SPINK5: variants seen among roughly 807,000 people sequenced by gnomAD.
SPINK5 encodes serine protease inhibitor Kazal-type 5.
Under a neutral mutation model 151.8 loss-of-function variants are expected in SPINK5, and 125 were observed. The observed-to-expected ratio is 0.82, with a 90% confidence interval of 0.71 to 0.96. SPINK5 has a LOEUF of 0.96. Ranked by LOEUF, SPINK5 falls within the 40% of genes least tolerant of loss-of-function variation. SPINK5 has a pLI of 0.00. For missense variants in SPINK5, 1,194 were observed against 1,291.9 expected (o/e 0.92, Z 1.16); for synonymous variants, 374 against 395.3 (o/e 0.95, Z 0.64).
intron 16 of SPINK5, among the ~76,000 whole-genome samples, chr5:148,106,675 CT>C (rs1753790039): frequency 6.6e-6 from 1 of 151,942 alleles, no homozygotes; most frequent in African/African-American, 2.4e-5. Flanking sequence ...TGTTTTTTCT[CT>C]TCTTTCTCAG....
intron 30 of SPINK5, among the ~76,000 whole-genome samples, chr5:148,127,668 AT>A (rs1284340539): frequency 1.3e-5 from 2 of 152,038 alleles, no homozygotes; most frequent in Admixed American, 1.3e-4. Flanking sequence ...TGTGGGCAAC[AT>A]GGTGAAACTC....
chr5:148,094,517 AGGGTGGGAGT>A (rs763602925), intron 9 of SPINK5, 36 bp downstream of exon 9: 3 of 1,611,340 alleles, frequency 1.9e-6, no homozygotes, highest in Non-Finnish European at 2.5e-6. Flanking sequence ...AGTGATTCAA[AGGGTGGGAGT>A]GGAGATTGAT....
chr5:148,076,258 CAT>C (rs1172865082), intron 4 of SPINK5, among the ~76,000 whole-genome samples: 1 of 151,528 alleles, frequency 6.6e-6, no homozygotes, highest in Non-Finnish European at 1.5e-5. Flanking sequence ...ACTACAAAAA[CAT>C]AGGGGAAAAA....
intron 9 of SPINK5, among the ~76,000 whole-genome samples, chr5:148,094,932 G>T (rs1427756714): frequency 6.6e-6 from 1 of 151,736 alleles, no homozygotes; most frequent in African/African-American, 2.4e-5. Context: ...TATGACCTTG[G>T]GAGAAGGGCA....
chr5:148,114,278 T>TTTTTTTTTTTA, intron 20 of SPINK5, 84 bp from the exon 21 acceptor site: 1 of 1,425,150 alleles, frequency 7.0e-7, no homozygotes. Flanking sequence ...CTCTTTTTTT[T>TTTTTTTTTTTA]TTTTCTATAA....
intron 20 of SPINK5, 85 bp downstream of exon 20, chr5:148,113,019 C>G (rs1432903368): frequency 3.2e-6 from 5 of 1,574,396 alleles, no homozygotes; most frequent in Middle Eastern, 1.7e-4. Context: ...TTACTGAAAC[C>G]CCAGTTGTGA....
At chr5:148,077,303 G>A (rs555800050) in intron 4 of SPINK5, among the ~76,000 whole-genome samples, 7 of 150,854 alleles carry the variant, frequency 4.6e-5, no homozygotes, top group African/African-American at 1.2e-4. Context: ...AATGAAGGCC[G>A]GAAGGCAGTA....
chr5:148,136,257 CTA>C (rs1469888846), intron 32 of SPINK5, among the ~76,000 whole-genome samples: 3 of 152,032 alleles, frequency 2.0e-5, no homozygotes, highest in African/African-American at 4.8e-5. Flanking sequence ...AGATAAATGA[CTA>C]TTCTTATCTA....
At chr5:148,075,970 T>C (rs1177808927) in intron 4 of SPINK5, among the ~76,000 whole-genome samples, 1 of 151,818 alleles carries the variant, frequency 6.6e-6, no homozygotes, top group Admixed American at 6.6e-5. Flanking sequence ...GCAGTCATAA[T>C]TGAAGCAAGT....
At chr5:148,097,597 A>G (rs1399108992) in intron 10 of SPINK5, among the ~76,000 whole-genome samples, 2 of 151,960 alleles carry the variant, frequency 1.3e-5, no homozygotes, top group Admixed American at 6.6e-5. Context: ...TTAGCTTTTT[A>G]TATTGCAATT....
In SPINK5 at chr5:148,137,217, C is replaced by T. The variant is rs899101591; in HGVS notation, c.*226C>T. The T allele has an allele frequency of 5.0e-6, 3 of 600,988 alleles. No individual in the cohort carries two copies. Among genetic ancestry groups the T allele is most frequent in the Non-Finnish European group, 5.9e-6 (2 of 340,008 alleles). The allele number at this position is 600,988 out of a possible 1,614,324, so 37.2% of individuals were successfully genotyped here. A position where few individuals can be genotyped will look rare whatever the true frequency, so the allele number is the denominator to read the frequency against. ...AAGACATCTCCACCAAGTCTGAGCC[C>T]TCAAAATGTCCTGATTACAATGCTG... On this transcript the variant is annotated 3_prime_UTR_variant, in exon 33 of 33. Transcript: ENST00000256084.
At chr5:148,081,482 A>G (rs1244073907) in intron 4 of SPINK5, among the ~76,000 whole-genome samples, 3 of 151,778 alleles carry the variant, frequency 2.0e-5, no homozygotes, top group Non-Finnish European at 4.4e-5. Context: ...ATGAACTTCA[A>G]AAACACTATG....
Position 148,101,907 on chromosome 5 carries a change from T to C in SPINK5, c.1429T>C (p.Phe477Leu). 4 of 1,613,528 alleles carry C rather than the reference T, an allele frequency of 2.5e-6. No homozygotes were observed. The highest frequency in any genetic ancestry group is 1.1e-5 in the South Asian group (1 of 91,090). ...CACCTGCTCCATGTGTGAGGCCTTCTTGTGAGTAGAGCAGTAGCCCCATAG... is the reference window on the plus strand; with the variant it reads ...CACCTGCTCCATGTGTGAGGCCTTCCTGTGAGTAGAGCAGTAGCCCCATAG... ...GNTCSMCEAF[F>L]QQEERARAKA... The change falls in exon 15 of 33, where the codon TTT becomes CTT. Residue 477 changes from phenylalanine to leucine, a missense_variant and splice_region_variant. Physicochemically the swap from Phe to Leu is conservative, Grantham distance 22. Transcript: ENST00000256084.
rs182800522 is a variant in SPINK5, at chr5:148,096,130, T to G, written c.882+225T>G. ...CTGTATATGGAGGCAATTAATCAAG[T>G]CACATTAATAATGTAGTTTTGCACT... On this transcript the variant is annotated intron_variant, in intron 10 of 32. Transcript: ENST00000256084. Among the ~76,000 whole-genome samples, 283 of 152,082 alleles carry G rather than the reference T, an allele frequency of 1.9e-3. 1 individual carries two copies. The Middle Eastern group carries it at 0.02, about 11-fold the overall frequency.
chr5:148,128,521 CTTAT>C (rs954677528), intron 30 of SPINK5, among the ~76,000 whole-genome samples: 19 of 151,892 alleles, frequency 1.3e-4, no homozygotes, highest in Admixed American at 5.2e-4. Context: ...TATTTATTTA[CTTAT>C]TTATTTATTT....
chr5:148,067,570 A>G (rs566013110), intron 2 of SPINK5, among the ~76,000 whole-genome samples: 2 of 152,282 alleles, frequency 1.3e-5, no homozygotes, highest in South Asian at 4.1e-4. Flanking sequence ...CTGTTTCCCA[A>G]GAGAATACAT....
chr5:148,108,163 T>C (rs1461486962), intron 17 of SPINK5, among the ~76,000 whole-genome samples: 2 of 152,212 alleles, frequency 1.3e-5, no homozygotes, highest in African/African-American at 4.8e-5. Context: ...ACATGCTATA[T>C]GTCAGTAGAA....
At position 148,111,647 on chromosome 5, in the gene SPINK5, C is replaced by T; in HGVS notation, c.1693-121C>T. ...TGAAAAGCATTTTGGTTACTATCAA[C>T]CTTCAGCATCACCTTTTCCATGCAA... On this transcript the variant is annotated intron_variant, in intron 18 of 32. Transcript: ENST00000256084. 2.7e-6 allele frequency: 4 copies of T among 1,466,288 alleles called. No individual in the cohort carries two copies. The South Asian group carries it at 4.7e-5, about 17-fold the overall frequency. The allele number at this position is 1,466,288 out of a possible 1,614,324, so 90.8% of individuals were successfully genotyped here.
At chr5:148,108,597 C>T (rs1270517467) in intron 17 of SPINK5, among the ~76,000 whole-genome samples, 156 bp from the exon 18 acceptor site, 1 of 152,074 alleles carries the variant, frequency 6.6e-6, no homozygotes, top group Non-Finnish European at 1.5e-5. Context: ...TTTATCTGTA[C>T]TATTGGTTAA....
Sources: gnomAD v4.1 joint callset for allele counts (sites outside exome capture counted in the v4.1 genomes callset) on GRCh38, gnomAD v4.1.1 for gene constraint, MANE v1.5 for transcripts, NCBI Gene and HGNC (gene_info 2026-07-23, HGNC 2026-07-21) for gene names.